STK3: variants seen among roughly 807,000 people sequenced by gnomAD.
STK3 encodes the protein serine/threonine-protein kinase 3.
Under a neutral mutation model 58.0 loss-of-function variants are expected in STK3, and 41 were observed. The observed-to-expected ratio is 0.71, with a 90% CI of 0.55 to 0.92. The LOEUF (loss-of-function observed/expected upper bound fraction) is 0.92. STK3 is among the 40% of genes least tolerant of loss of function. STK3 has a pLI of 0.00. For synonymous variants in STK3, 170 were observed against 191.0 expected, an observed-to-expected ratio of 0.89 and a Z score of 0.91; for missense variants, 479 against 602.7, an observed-to-expected ratio of 0.79 and a Z score of 2.15.
chr8:98,558,352 C>T (rs1378988141), intron 8 of STK3, among the ~76,000 whole-genome samples: 1 of 152,028 alleles, frequency 6.6e-6, no homozygotes, highest in East Asian at 1.9e-4. Context: ...TTTCTTGATA[C>T]ATTTTTAAGC....
chr8:98,847,065 GA>G (rs1836235826), intron 3 of STK3, among the ~76,000 whole-genome samples: 1 of 152,176 alleles, frequency 6.6e-6, no homozygotes, highest in Admixed American at 6.5e-5. Flanking sequence ...ATAACCAATG[GA>G]TAAATTAAAA....
rs552944326 is a variant in STK3 at position 98,568,139 on chromosome 8, T to C, written c.948+11525A>G. On this transcript the variant is annotated intron_variant, in intron 8 of 10. Transcript: ENST00000419617. ...CTGATTTAAAAAATAAAATAAAAAT[T>C]ATAATTTTAGAACAGTCCAAGAAAT... Among the ~76,000 whole-genome samples, 4 of 152,116 alleles carry C rather than the reference T, an allele frequency of 2.6e-5. No individual in the cohort carries two copies. In the East Asian group the frequency reaches 7.7e-4, roughly 29 times the overall value.
intron 3 of STK3, among the ~76,000 whole-genome samples, chr8:98,753,392 G>A (rs1195751994): frequency 6.6e-6 from 1 of 152,150 alleles, no homozygotes; most frequent in Non-Finnish European, 1.5e-5. Flanking sequence ...AATACTGCAT[G>A]TTCTCACTTA....
chr8:98,911,212 T>C (rs1267335248), intron 1 of STK3, among the ~76,000 whole-genome samples: 1 of 152,194 alleles, frequency 6.6e-6, no homozygotes, highest in African/African-American at 2.4e-5. Context: ...ATTATTGTCT[T>C]CCTCAAGTTC....
rs1334494643 is a variant in STK3 at position 98,416,952 on chromosome 8, C to T, written n.484-15439G>A. 4.6e-5 allele frequency among the ~76,000 whole-genome samples: 7 copies of T among 152,270 alleles called. No individual in the cohort carries two copies. The South Asian group carries it at 8.3e-4, about 18-fold the overall frequency. On this transcript the variant is annotated intron_variant and non_coding_transcript_variant, in intron 3 of 3. Transcript: ENST00000517832. ...TTTGTCCTGGGGGAATCCTCCAGAG[C>T]CCACAGACAGACCAGCCAGATGGCA...
downstream of STK3, among the ~76,000 whole-genome samples, chr8:98,368,825 G>A (rs1392802789): frequency 1.3e-5 from 2 of 152,172 alleles, no homozygotes; most frequent in South Asian, 2.1e-4. Context: ...GTGACCTTAC[G>A]TAGGCCTTCT....
At chr8:98,851,143 A>C (rs1316064810) in intron 3 of STK3, among the ~76,000 whole-genome samples, 1 of 152,160 alleles carries the variant, frequency 6.6e-6, no homozygotes, top group East Asian at 1.9e-4. Flanking sequence ...GGCCTTCACC[A>C]TTCTAGGGAA....
chr8:98,873,750 TG>T, intron 3 of STK3, among the ~76,000 whole-genome samples: 1 of 152,324 alleles, frequency 6.6e-6, no homozygotes, highest in South Asian at 2.1e-4. Context: ...GCATGTGAGA[TG>T]GGTCTCCCAA....
At chr8:98,599,225 T>C (rs1249837858) in intron 6 of STK3, among the ~76,000 whole-genome samples, 1 of 152,158 alleles carries the variant, frequency 6.6e-6, no homozygotes, top group Non-Finnish European at 1.5e-5. Flanking sequence ...AGTAAACAAA[T>C]ATAGCTGTTT....
chr8:98,763,887 C>T (rs1587550150), intron 3 of STK3, among the ~76,000 whole-genome samples: 1 of 152,274 alleles, frequency 6.6e-6, no homozygotes, highest in East Asian at 1.9e-4. Context: ...GTTGGCCAGG[C>T]TGGTGTTGAA....
chr8:98,694,928 T>C (rs1276777867), intron 6 of STK3, among the ~76,000 whole-genome samples: 1 of 152,236 alleles, frequency 6.6e-6, no homozygotes, highest in Non-Finnish European at 1.5e-5. Flanking sequence ...ATCGCCACAC[T>C]GACTTCCACA....
chr8:98,351,234 T>G, the STK3 span, among the ~76,000 whole-genome samples: 2 of 152,078 alleles, frequency 1.3e-5, no homozygotes, highest in Non-Finnish European at 2.9e-5. Context: ...TAGAGAGAGA[T>G]TCGTGTAGAG....
chr8:98,648,409 C>T (rs895511273), intron 6 of STK3, among the ~76,000 whole-genome samples: 6 of 152,112 alleles, frequency 3.9e-5, no homozygotes, highest in African/African-American at 1.4e-4. Context: ...CAAAAAGATC[C>T]TTGCTTTGAA....
intron 1 of STK3, among the ~76,000 whole-genome samples, chr8:98,784,669 C>T (rs959562283): frequency 3.3e-5 from 5 of 151,924 alleles, no homozygotes; most frequent in Non-Finnish European, 5.9e-5. Flanking sequence ...CACCTGCAAC[C>T]GCAGTCTGAG....
intron 10 of STK3, among the ~76,000 whole-genome samples, chr8:98,477,709 GGGGGGGGTGGGC>G (rs1821467502): frequency 1.3e-5 from 1 of 79,464 alleles, no homozygotes; most frequent in African/African-American, 4.5e-5. Context: ...TGGCGGGGGG[GGGGGGGGTGGGC>G]GGGGGGGGGC....
intron 8 of STK3, among the ~76,000 whole-genome samples, chr8:98,565,961 T>C (rs1333479457): frequency 6.6e-6 from 1 of 152,198 alleles, no homozygotes; most frequent in African/African-American, 2.4e-5. Context: ...ATCTTTGTCA[T>C]ATTTAACAAC....
chr8:98,605,891 A>T (rs1816738394), intron 6 of STK3, among the ~76,000 whole-genome samples: 1 of 152,106 alleles, frequency 6.6e-6, no homozygotes, highest in African/African-American at 2.4e-5. Flanking sequence ...AAAAGTGTGT[A>T]GCACCTTCCC....
chr8:98,808,251 G>A (rs1587675155), intron 1 of STK3, among the ~76,000 whole-genome samples: 1 of 152,340 alleles, frequency 6.6e-6, no homozygotes, highest in Middle Eastern at 3.4e-3. Context: ...CATGAGGGCA[G>A]GACAGGAAAG....
At chr8:98,833,993 T>A (rs1835648408) in intron 3 of STK3, among the ~76,000 whole-genome samples, 1 of 152,068 alleles carries the variant, frequency 6.6e-6, no homozygotes, top group Non-Finnish European at 1.5e-5. Context: ...AAAACCTTTA[T>A]CTGAGGGATG....
Sources: allele counts gnomAD v4.1 joint callset (sites outside exome capture counted in the v4.1 genomes callset), GRCh38; gene constraint gnomAD v4.1.1; transcripts MANE v1.5; gene names NCBI Gene and HGNC (gene_info 2026-07-23, HGNC 2026-07-21).